Variants in ARRB1 observed in about 807,000 individuals in gnomAD.
ARRB1 encodes the protein arrestin beta 1, also known as beta-arrestin-1.
Under a neutral mutation model 56.8 loss-of-function variants are expected in ARRB1, and 21 were observed. The ratio of observed to expected loss-of-function variants is 0.37; its 90% CI spans 0.26 to 0.53. The LOEUF (loss-of-function observed/expected upper bound fraction) is 0.53. Among genes scored for constraint, ARRB1 ranks in the 20% least tolerant of loss-of-function variants. ARRB1 has a pLI of 0.88. For missense variants in ARRB1, 424 were observed against 553.7 expected, an observed-to-expected ratio of 0.77 and a Z score of 2.35; for synonymous variants, 210 against 218.6, an observed-to-expected ratio of 0.96 and a Z score of 0.35.
At chr11:75,351,550 C>T (rs1477649465) in intron 1 of ARRB1, 38 bp downstream of exon 1, 3 of 1,498,148 alleles carry the variant, frequency 2.0e-6, no homozygotes, top group Admixed American at 4.3e-5. Context: ...CGAGGTCGCC[C>T]CCACGCGCCC....
intron 1 of ARRB1, among the ~76,000 whole-genome samples, chr11:75,327,627 C>T (rs371188329): frequency 2.4e-4 from 34 of 140,834 alleles, no homozygotes; most frequent in African/African-American, 9.1e-4. Context: ...TTGCTCTTGT[C>T]GCCCAGGCTA....
At chr11:75,298,005 C>T (rs1288836595) in intron 1 of ARRB1, among the ~76,000 whole-genome samples, 2 of 144,562 alleles carry the variant, frequency 1.4e-5, no homozygotes, top group African/African-American at 5.1e-5. Context: ...TTAGATATGA[C>T]ACCAAAAGCA....
intron 1 of ARRB1, among the ~76,000 whole-genome samples, chr11:75,299,084 G>A (rs780294779): frequency 3.3e-5 from 5 of 151,952 alleles, no homozygotes; most frequent in Non-Finnish European, 1.5e-5. Flanking sequence ...GGGAAATGGG[G>A]AGTGACTGCT....
Position 75,287,392 on chromosome 11 carries a change from TA to T in ARRB1, c.52-18del. On this transcript the variant is annotated intron_variant, in intron 2 of 15. Coordinates refer to ENST00000420843, the MANE Select transcript of ARRB1 (RefSeq NM_004041.5). ...GACGGTGAGCTGAGGAGGAGAGGCA[TA>T]GGGGGCGTTAGCAGCTGCAGGCCCA... is the stretch of plus-strand genomic sequence containing the variant. The T allele has an allele frequency of 6.4e-7, 1 of 1,555,588 alleles. No homozygotes were observed. Among genetic ancestry groups the T allele is most frequent in the South Asian group, 1.2e-5 (1 of 84,280 alleles).
At chr11:75,297,743 T>C (rs1591940184) in intron 1 of ARRB1, among the ~76,000 whole-genome samples, 1 of 151,516 alleles carries the variant, frequency 6.6e-6, no homozygotes, top group South Asian at 2.1e-4. Context: ...CAGGCACCTG[T>C]AATCCCAGCT....
chr11:75,269,816 G>A (rs1946035100), intron 13 of ARRB1, among the ~76,000 whole-genome samples: 1 of 152,194 alleles, frequency 6.6e-6, no homozygotes, highest in South Asian at 2.1e-4. Context: ...TTAGATTCTG[G>A]CTCCATAACC....
chr11:75,343,830 C>A (rs548781265), intron 1 of ARRB1, among the ~76,000 whole-genome samples: 1 of 151,454 alleles, frequency 6.6e-6, no homozygotes, highest in Non-Finnish European at 1.5e-5. Context: ...TTTTTTAAGA[C>A]AGAGTCTTGC....
In ARRB1 at chr11:75,277,358, G is replaced by C. The variant is rs1946223599; in HGVS notation, c.703+6C>G. Reference sequence around the variant, plus strand: ...GTCCCCTAAGCTGACCCTCTGTCTGGGATACCTGAGATCTTGATCTTCTTC... The same window carrying C: ...GTCCCCTAAGCTGACCCTCTGTCTGCGATACCTGAGATCTTGATCTTCTTC... On this transcript the variant is annotated splice_donor_region_variant and intron_variant, in intron 9 of 15. Coordinates refer to ENST00000420843, the MANE Select transcript of ARRB1 (RefSeq NM_004041.5). 1.2e-6 allele frequency: 2 copies of C among 1,613,696 alleles called. No homozygotes were observed. The highest frequency in any genetic ancestry group is 1.3e-5 in the African/African-American group (1 of 75,030).
At chr11:75,303,441 C>T (rs1249254938) in intron 1 of ARRB1, among the ~76,000 whole-genome samples, 2 of 152,214 alleles carry the variant, frequency 1.3e-5, no homozygotes, top group Non-Finnish European at 2.9e-5. Flanking sequence ...GTCACCTCAC[C>T]CAAGAAGCCC....
intron 1 of ARRB1, among the ~76,000 whole-genome samples, chr11:75,334,234 G>A (rs1467922847): frequency 7.2e-6 from 1 of 139,214 alleles, no homozygotes; most frequent in Non-Finnish European, 1.5e-5. Context: ...AGGCAGGAGA[G>A]TTGCTTGAAC....
chr11:75,332,909 A>T (rs1947543822), intron 1 of ARRB1, among the ~76,000 whole-genome samples: 1 of 151,728 alleles, frequency 6.6e-6, no homozygotes, highest in African/African-American at 2.4e-5. Context: ...AAAAAAATGT[A>T]CCTATAGCCT....
At chr11:75,309,696 A>C (rs1400178110) in intron 1 of ARRB1, among the ~76,000 whole-genome samples, 1 of 152,202 alleles carries the variant, frequency 6.6e-6, no homozygotes. Flanking sequence ...GGGAGACCAG[A>C]GTGCTGAGCA....
intron 1 of ARRB1, among the ~76,000 whole-genome samples, chr11:75,341,861 C>T (rs1213394664): frequency 6.6e-6 from 1 of 152,210 alleles, no homozygotes; most frequent in Non-Finnish European, 1.5e-5. Flanking sequence ...ACTGTCTTCC[C>T]TTCCCACCCA....
intron 1 of ARRB1, chr11:75,303,483 C>A (rs1186018825): frequency 6.9e-6 from 3 of 434,322 alleles, no homozygotes; most frequent in Admixed American, 4.9e-5. Context: ...AGTGCTCTTG[C>A]CCTGACTCCT....
intron 1 of ARRB1, among the ~76,000 whole-genome samples, chr11:75,314,525 G>C (rs942520280): frequency 6.6e-6 from 1 of 152,218 alleles, no homozygotes; most frequent in African/African-American, 2.4e-5. Flanking sequence ...CTGGGAGTCA[G>C]GTCAGAGCAA....
At chr11:75,345,374 G>A (rs964459150) in intron 1 of ARRB1, among the ~76,000 whole-genome samples, 34 of 152,000 alleles carry the variant, frequency 2.2e-4, no homozygotes, top group African/African-American at 7.5e-4. Flanking sequence ...CAGCCACCCT[G>A]TCCTGCCAAC....
chr11:75,267,364 G>A (rs914190342), intron 15 of ARRB1, among the ~76,000 whole-genome samples: 1 of 152,176 alleles, frequency 6.6e-6, no homozygotes, highest in African/African-American at 2.4e-5. Context: ...AGCCCTGTGT[G>A]AGCCGAGCAG....
intron 1 of ARRB1, among the ~76,000 whole-genome samples, chr11:75,295,221 CAAA>C (rs34666904): frequency 0.014 from 1,005 of 73,050 alleles, 8 homozygotes; most frequent in African/African-American, 0.043. Context: ...AACCCTGTCT[CAAA>C]AAAAAAAAAA....
At chr11:75,318,257 G>A (rs35242615) in intron 1 of ARRB1, among the ~76,000 whole-genome samples, 11,622 of 146,968 alleles carry the variant, frequency 0.079, 590 homozygotes, top group Middle Eastern at 0.12. Context: ...TCAAACTCCT[G>A]GACTCAAACA....
Sources: gnomAD v4.1 joint callset for allele counts (sites outside exome capture counted in the v4.1 genomes callset) on GRCh38, gnomAD v4.1.1 for gene constraint, MANE v1.5 for transcripts, NCBI Gene and HGNC (gene_info 2026-07-23, HGNC 2026-07-21) for gene names.